Variants in LOC128462377 observed in about 807,000 individuals in gnomAD.
the LOC128462377 span, among the ~76,000 whole-genome samples, chr16:89,332,567 T>C: frequency 6.6e-6 from 1 of 152,288 alleles, no homozygotes; most frequent in South Asian, 2.1e-4. Flanking sequence ...AAGAACCCAT[T>C]CTCCTAAAGG....
chr16:89,397,244 A>T, the LOC128462377 span, among the ~76,000 whole-genome samples: 95 of 152,284 alleles, frequency 6.2e-4, 2 homozygotes, highest in South Asian at 3.1e-3. Flanking sequence ...CGGGAGACAC[A>T]GCCATCAAGG....
chr16:89,401,013 C>T, the LOC128462377 span, among the ~76,000 whole-genome samples: 1 of 152,186 alleles, frequency 6.6e-6, no homozygotes, highest in African/African-American at 2.4e-5. Context: ...GAAAGGGAGG[C>T]CCCGCGTGTG....
chr16:89,404,050 A>C, the LOC128462377 span, among the ~76,000 whole-genome samples: 1 of 152,252 alleles, frequency 6.6e-6, no homozygotes, highest in Non-Finnish European at 1.5e-5. Context: ...CTAAAATTCC[A>C]AACTACAGGA....
the LOC128462377 span, chr16:89,360,509 C>A: frequency 9.2e-5 from 14 of 152,178 alleles, no homozygotes; most frequent in Admixed American, 2.6e-4. Flanking sequence ...GATTAAAAAA[C>A]CATGGATTAT....
chr16:89,366,540 G>A, the LOC128462377 span, among the ~76,000 whole-genome samples: 1 of 152,184 alleles, frequency 6.6e-6, no homozygotes, highest in Non-Finnish European at 1.5e-5. Context: ...GTGAGATGGT[G>A]TCTCGCTGTG....
chr16:89,384,879 C>CTTTTTCTTTTTTTTTT, the LOC128462377 span, among the ~76,000 whole-genome samples: 1 of 49,910 alleles, frequency 2.0e-5, no homozygotes, highest in African/African-American at 7.9e-5. Flanking sequence ...AAATAGTTTT[C>CTTTTTCTTTTTTTTTT]TTTTTTTTTT....
At chr16:89,409,850 A>ATTTT in the LOC128462377 span, among the ~76,000 whole-genome samples, 1 of 151,972 alleles carries the variant, frequency 6.6e-6, no homozygotes, top group East Asian at 1.9e-4. Flanking sequence ...TTATTTATTT[A>ATTTT]TTTTTTGAGA....
chr16:89,416,115 A>G, the LOC128462377 span, among the ~76,000 whole-genome samples: 33 of 152,264 alleles, frequency 2.2e-4, no homozygotes, highest in African/African-American at 7.5e-4. Context: ...TAAACACCTT[A>G]GATTATTACT....
the LOC128462377 span, among the ~76,000 whole-genome samples, chr16:89,328,559 C>G: frequency 6.6e-6 from 1 of 150,744 alleles, no homozygotes; most frequent in African/African-American, 2.5e-5. Flanking sequence ...TGCAGAGGCC[C>G]CTGCTGAGTG....
the LOC128462377 span, among the ~76,000 whole-genome samples, chr16:89,351,644 T>C: frequency 2.6e-5 from 4 of 152,336 alleles, no homozygotes; most frequent in East Asian, 5.8e-4. Context: ...ACATAGGCCC[T>C]GTGACCTGGG....
chr16:89,376,895 TATG>T, the LOC128462377 span, among the ~76,000 whole-genome samples: 3 of 152,242 alleles, frequency 2.0e-5, no homozygotes, highest in Non-Finnish European at 2.9e-5. Context: ...CAGTAGGGTT[TATG>T]ATAAGGACTG....
the LOC128462377 span, among the ~76,000 whole-genome samples, chr16:89,346,705 T>C: frequency 1.3e-5 from 2 of 152,312 alleles, no homozygotes; most frequent in East Asian, 3.9e-4. Context: ...AGAGATGCTA[T>C]ACAGCAAGGT....
At chr16:89,344,990 C>T in the LOC128462377 span, among the ~76,000 whole-genome samples, 1 of 152,218 alleles carries the variant, frequency 6.6e-6, no homozygotes, top group African/African-American at 2.4e-5. Context: ...ACACAGCACA[C>T]AGCAGAAGCA....
chr16:89,338,064 G>A, the LOC128462377 span, among the ~76,000 whole-genome samples: 8 of 152,172 alleles, frequency 5.3e-5, no homozygotes, highest in South Asian at 4.1e-4. Context: ...CCACTGTGTC[G>A]CGCTCTGCCA....
chr16:89,405,172 C>A, the LOC128462377 span, among the ~76,000 whole-genome samples: 2 of 151,842 alleles, frequency 1.3e-5, no homozygotes, highest in Non-Finnish European at 2.9e-5. Context: ...CCAGCCTGGG[C>A]GACAGAGCAA....
chr16:89,387,534 G>A, the LOC128462377 span, among the ~76,000 whole-genome samples: 7 of 151,862 alleles, frequency 4.6e-5, no homozygotes, highest in Admixed American at 1.3e-4. Context: ...TTAACCAGGC[G>A]TGGTGGCGGG....
the LOC128462377 span, among the ~76,000 whole-genome samples, chr16:89,404,790 T>C: frequency 6.6e-6 from 1 of 152,234 alleles, no homozygotes; most frequent in Admixed American, 6.5e-5. Context: ...AAGGTCATTC[T>C]GAGGATGAAG....
the LOC128462377 span, among the ~76,000 whole-genome samples, chr16:89,339,291 G>A: frequency 6.6e-6 from 1 of 152,232 alleles, no homozygotes; most frequent in Non-Finnish European, 1.5e-5. Context: ...AGAGATGTCT[G>A]AATTCCCCCT....
chr16:89,413,359 C>T, the LOC128462377 span, among the ~76,000 whole-genome samples: 1 of 152,170 alleles, frequency 6.6e-6, no homozygotes, highest in Non-Finnish European at 1.5e-5. Context: ...GGCGCAGTGG[C>T]TCACGCCTGT....
Sources: allele counts gnomAD v4.1 joint callset (sites outside exome capture counted in the v4.1 genomes callset), GRCh38; gene constraint gnomAD v4.1.1; transcripts MANE v1.5.